The following HS3ST4 variants were observed in gnomAD, a reference collection of about 807,000 sequenced individuals.
HS3ST4 encodes heparan sulfate glucosamine 3-O-sulfotransferase 4.
In HS3ST4, 17 loss-of-function variants were observed where a neutral mutation model predicts 29.2. That is an observed-to-expected ratio of 0.58 (90% CI 0.40 to 0.87). HS3ST4 has a LOEUF of 0.87. Among genes scored for constraint, HS3ST4 ranks in the 40% least tolerant of loss-of-function variants. The pLI, the probability that HS3ST4 is intolerant of heterozygous loss-of-function variation, is 0.00. For synonymous variants in HS3ST4, 314 were observed against 285.7 expected (o/e 1.10, Z -1.00); for missense variants, 627 against 634.5 (o/e 0.99, Z 0.13).
intron 1 of HS3ST4, among the ~76,000 whole-genome samples, chr16:25,837,764 C>A (rs894137767): frequency 9.2e-5 from 14 of 151,928 alleles, no homozygotes; most frequent in Non-Finnish European, 1.8e-4. Context: ...GGACTTAAAT[C>A]GTCACTTTAT....
At chr16:26,009,819 A>G (rs1268559536) in intron 1 of HS3ST4, among the ~76,000 whole-genome samples, 1 of 152,218 alleles carries the variant, frequency 6.6e-6, no homozygotes, top group African/African-American at 2.4e-5. Context: ...AAGTACAATT[A>G]TCCTATGTTG....
chr16:26,090,572 C>T (rs1898845240), intron 1 of HS3ST4, among the ~76,000 whole-genome samples: 1 of 151,872 alleles, frequency 6.6e-6, no homozygotes, highest in South Asian at 2.1e-4. Flanking sequence ...CCCATAAAAG[C>T]AACTAGATTC....
chr16:26,131,235 C>T (rs1390017588), intron 1 of HS3ST4, among the ~76,000 whole-genome samples: 3 of 152,246 alleles, frequency 2.0e-5, no homozygotes, highest in Non-Finnish European at 4.4e-5. Context: ...TACTTTCCTT[C>T]TATCTCTGCC....
At chr16:25,709,246 T>C (rs1267196059) in intron 1 of HS3ST4, among the ~76,000 whole-genome samples, 1 of 152,136 alleles carries the variant, frequency 6.6e-6, no homozygotes, top group Non-Finnish European at 1.5e-5. Context: ...CAAGTATAGG[T>C]GGAGAAGCTT....
chr16:25,978,531 A>T (rs1968967995), intron 1 of HS3ST4, among the ~76,000 whole-genome samples: 1 of 152,248 alleles, frequency 6.6e-6, no homozygotes, highest in Admixed American at 6.5e-5. Flanking sequence ...ACCATGTGGC[A>T]TGTGGAATAG....
chr16:25,798,612 C>T (rs1966903684), intron 1 of HS3ST4, among the ~76,000 whole-genome samples: 1 of 152,160 alleles, frequency 6.6e-6, no homozygotes, highest in Admixed American at 6.5e-5. Context: ...AAAACAGTCC[C>T]TCCACAGTGA....
intron 1 of HS3ST4, among the ~76,000 whole-genome samples, chr16:25,746,737 G>C (rs968599408): frequency 3.3e-5 from 5 of 151,766 alleles, no homozygotes; most frequent in African/African-American, 1.2e-4. Flanking sequence ...ATCTTTAGTA[G>C]AGACGGGGTT....
chr16:25,833,764 G>A (rs1967329966), intron 1 of HS3ST4, among the ~76,000 whole-genome samples: 1 of 152,104 alleles, frequency 6.6e-6, no homozygotes, highest in African/African-American at 2.4e-5. Context: ...AAGGATTACT[G>A]GAAAAACAAG....
At chr16:25,744,065 G>T (rs1387763609) in intron 1 of HS3ST4, among the ~76,000 whole-genome samples, 2 of 152,116 alleles carry the variant, frequency 1.3e-5, no homozygotes, top group Admixed American at 6.6e-5. Flanking sequence ...TTCTTCAAAT[G>T]AAGTGTTCAG....
intron 1 of HS3ST4, among the ~76,000 whole-genome samples, chr16:25,831,616 A>G (rs1189232573): frequency 6.6e-6 from 1 of 151,920 alleles, no homozygotes; most frequent in Non-Finnish European, 1.5e-5. Context: ...AAATAAAGAT[A>G]AAAATTTTGC....
intron 1 of HS3ST4, among the ~76,000 whole-genome samples, chr16:26,064,068 CATA>C (rs1898513402): frequency 6.6e-6 from 1 of 151,954 alleles, no homozygotes; most frequent in East Asian, 1.9e-4. Flanking sequence ...AGGTAGGTAA[CATA>C]AACAAGAGAA....
At chr16:25,952,659 T>C (rs1238949201) in intron 1 of HS3ST4, among the ~76,000 whole-genome samples, 1 of 152,202 alleles carries the variant, frequency 6.6e-6, no homozygotes, top group African/African-American at 2.4e-5. Flanking sequence ...ATTAGTAGTA[T>C]TGTTATTACT....
chr16:25,693,252 A>G (rs559546820), intron 1 of HS3ST4, 101 bp downstream of exon 1: 2 of 1,297,486 alleles, frequency 1.5e-6, no homozygotes, highest in South Asian at 3.3e-5. Flanking sequence ...CACCGTCCCG[A>G]GAGGCCCAAG....
intron 1 of HS3ST4, among the ~76,000 whole-genome samples, chr16:25,864,955 T>C (rs899913803): frequency 3.5e-5 from 5 of 140,946 alleles, no homozygotes; most frequent in East Asian, 2.1e-4. Context: ...CATATATATA[T>C]ACATATATAC....
At chr16:26,024,871 A>C (rs1969451654) in intron 1 of HS3ST4, among the ~76,000 whole-genome samples, 1 of 152,198 alleles carries the variant, frequency 6.6e-6, no homozygotes, top group Non-Finnish European at 1.5e-5. Flanking sequence ...CAGCACCCCC[A>C]TGCTAGGTGA....
At chr16:25,973,891 A>G (rs1446954956) in intron 1 of HS3ST4, among the ~76,000 whole-genome samples, 3 of 152,040 alleles carry the variant, frequency 2.0e-5, no homozygotes, top group African/African-American at 7.2e-5. Context: ...GTGCCTAAAC[A>G]CTCTGCTATA....
At chr16:25,925,058 C>G (rs1170205469) in intron 1 of HS3ST4, among the ~76,000 whole-genome samples, 2 of 151,912 alleles carry the variant, frequency 1.3e-5, no homozygotes, top group African/African-American at 4.8e-5. Context: ...AGGGCTAAAT[C>G]CAGGTACCAG....
intron 1 of HS3ST4, among the ~76,000 whole-genome samples, chr16:25,864,965 C>T (rs1567259002): frequency 7.3e-6 from 1 of 137,638 alleles, no homozygotes; most frequent in East Asian, 2.1e-4. Flanking sequence ...TACATATATA[C>T]ACACATACTC....
chr16:25,840,453 C>G (rs1339667093), intron 1 of HS3ST4, among the ~76,000 whole-genome samples: 3 of 152,168 alleles, frequency 2.0e-5, no homozygotes, highest in Non-Finnish European at 4.4e-5. Context: ...TTAAATAACT[C>G]TCATATTTTA....
Sources: allele counts gnomAD v4.1 joint callset (sites outside exome capture counted in the v4.1 genomes callset), GRCh38; gene constraint gnomAD v4.1.1; transcripts MANE v1.5; gene names NCBI Gene and HGNC (gene_info 2026-07-23, HGNC 2026-07-21).